The following MACROD2 variants were observed in gnomAD, a reference collection of about 807,000 sequenced individuals.
The protein encoded by MACROD2 is ADP-ribose glycohydrolase MACROD2.
In MACROD2, 36 loss-of-function variants were observed where a neutral mutation model predicts 70.4. The observed-to-expected ratio is 0.51, with a 90% CI of 0.39 to 0.68. The LOEUF (loss-of-function observed/expected upper bound fraction) is 0.68. Ranked by LOEUF, MACROD2 falls within the 30% of genes least tolerant of loss-of-function variation. MACROD2 has a pLI of 0.00. For missense variants in MACROD2, 496 were observed against 538.4 expected (o/e 0.92, Z 0.78); for synonymous variants, 172 against 178.8 (o/e 0.96, Z 0.30).
chr20:14,721,543 A>G (rs2071470087), intron 5 of MACROD2, among the ~76,000 whole-genome samples: 1 of 152,180 alleles, frequency 6.6e-6, no homozygotes, highest in African/African-American at 2.4e-5. Flanking sequence ...TGGCTTACAC[A>G]TGAGAAATAA....
intron 6 of MACROD2, among the ~76,000 whole-genome samples, chr20:15,363,830 G>A (rs2078380353): frequency 6.6e-6 from 1 of 152,160 alleles, no homozygotes; most frequent in Non-Finnish European, 1.5e-5. Context: ...TTTATATTTT[G>A]CAAACGGCTT....
intron 3 of MACROD2, among the ~76,000 whole-genome samples, chr20:14,416,249 A>G (rs944297772): frequency 2.0e-5 from 3 of 151,806 alleles, no homozygotes; most frequent in East Asian, 1.9e-4. Flanking sequence ...GAGCCACCGC[A>G]CCCATCCTCT....
intron 13 of MACROD2, among the ~76,000 whole-genome samples, chr20:15,969,491 A>G (rs559792235): frequency 6.6e-5 from 10 of 152,348 alleles, no homozygotes; most frequent in African/African-American, 2.4e-4. Flanking sequence ...CTAGAAGTTC[A>G]AAACCAATTT....
chr20:15,230,013 C>T lies in MACROD2; in HGVS notation c.492C>T (p.Cys164=). Residue 164 remains cysteine (C), a synonymous_variant, in exon 6 of 18, where the codon TGC becomes TGT. Coordinates refer to ENST00000684519, the MANE Select transcript of MACROD2 (RefSeq NM_001351661.2). ...NGSHKEDLAN[C]YKSSLKLVKE... ...CCCACAAGGAAGACCTTGCAAATTG[C>T]TATAAATCATCTCTGAAGCTCGTGA... is the stretch of plus-strand genomic sequence containing the variant. 1 of 1,613,690 alleles carries T rather than the reference C, an allele frequency of 6.2e-7. No homozygotes were observed. The highest frequency in any genetic ancestry group is 1.1e-5 in the South Asian group (1 of 91,044).
At chr20:14,969,361 T>TACACACACAC (rs3045701) in intron 5 of MACROD2, among the ~76,000 whole-genome samples, 1,468 of 138,010 alleles carry the variant, frequency 0.011, 8 homozygotes, top group Middle Eastern at 0.034. Flanking sequence ...TAAATGCTTT[T>TACACACACAC]ACACACACAC....
Position 14,085,626 on chromosome 20 carries a change from A to C in MACROD2, c.169A>C (p.Asn57His). 6.5e-7 allele frequency: 1 copy of C among 1,544,038 alleles called. No individual in the cohort carries two copies. Among genetic ancestry groups the C allele is most frequent in the Non-Finnish European group, 8.7e-7 (1 of 1,143,444 alleles). Residue 57 changes from asparagine (N) to histidine (H), a missense_variant, in exon 3 of 18, where the codon AAT becomes CAT. Asn to His is a moderately conservative substitution (Grantham distance 68). Coordinates refer to ENST00000684519, the MANE Select transcript of MACROD2 (RefSeq NM_001351661.2). ...ATATCCATTTTCTATTACAGAAGAA[A>C]ATACTCAGGAAACATCCCAGGTGAA... ...MKGKGQNDEE[N>H]TQETSQVKKS...
chr20:15,995,580 G>A (rs1428335263), intron 15 of MACROD2, among the ~76,000 whole-genome samples: 1 of 147,562 alleles, frequency 6.8e-6, no homozygotes, highest in African/African-American at 2.5e-5. Context: ...TCGATCTCCT[G>A]ACCTCATGAT....
At chr20:14,797,057 A>G (rs953318231) in intron 5 of MACROD2, among the ~76,000 whole-genome samples, 12 of 151,826 alleles carry the variant, frequency 7.9e-5, no homozygotes, top group Admixed American at 5.9e-4. Context: ...AAAAATCTCG[A>G]TTTTATACTC....
rs1269506990 is a variant in MACROD2 at position 14,520,508 on chromosome 20, T to C, written c.301+27000T>C. ...TTTGTTATTATTTTTTTTTTTTCTG[T>C]TTCTACAGCTTCTTTTCTGGCCTAG... is the stretch of plus-strand genomic sequence containing the variant. On this transcript the variant is annotated intron_variant, in intron 4 of 17. Transcript: ENST00000684519. Among the ~76,000 whole-genome samples, 4 of 151,666 alleles carry C rather than the reference T, an allele frequency of 2.6e-5. No individual in the cohort carries two copies. In the East Asian group the frequency reaches 5.8e-4, roughly 22 times the overall value.
intron 3 of MACROD2, among the ~76,000 whole-genome samples, chr20:14,220,580 T>G (rs2081663469): frequency 6.6e-6 from 1 of 152,178 alleles, no homozygotes; most frequent in Admixed American, 6.5e-5. Context: ...GTTACAAAGT[T>G]CAGCTAGAGA....
At chr20:15,303,634 ATCT>A (rs970940884) in intron 6 of MACROD2, among the ~76,000 whole-genome samples, 1 of 152,186 alleles carries the variant, frequency 6.6e-6, no homozygotes, top group African/African-American at 2.4e-5. Flanking sequence ...TCCAGGGAAA[ATCT>A]TCTAAAACAA....
intron 5 of MACROD2, among the ~76,000 whole-genome samples, chr20:14,737,572 A>C (rs2071682879): frequency 6.6e-6 from 1 of 152,176 alleles, no homozygotes; most frequent in Non-Finnish European, 1.5e-5. Flanking sequence ...TCCCACCAAC[A>C]GTGTAAAAGC....
intron 2 of MACROD2, among the ~76,000 whole-genome samples, chr20:14,077,894 C>CTTTTTTTTTT (rs58677755): frequency 5.0e-5 from 6 of 120,502 alleles, no homozygotes; most frequent in African/African-American, 9.2e-5. Flanking sequence ...AAAGGTTTTT[C>CTTTTTTTTTT]TTTTTTTTTT....
At chr20:14,048,457 A>G (rs1267193071) in intron 2 of MACROD2, among the ~76,000 whole-genome samples, 2 of 152,086 alleles carry the variant, frequency 1.3e-5, no homozygotes. Context: ...ATGAGTTTCA[A>G]GCTTTAAGAC....
chr20:15,214,237 G>C (rs2076789399), intron 5 of MACROD2, among the ~76,000 whole-genome samples: 1 of 152,092 alleles, frequency 6.6e-6, no homozygotes, highest in African/African-American at 2.4e-5. Context: ...GACCCATTTA[G>C]AGGAATGCCA....
At chr20:15,274,939 A>G (rs188750903) in intron 6 of MACROD2, among the ~76,000 whole-genome samples, 89 of 152,190 alleles carry the variant, frequency 5.8e-4, no homozygotes, top group Admixed American at 2.2e-3. Flanking sequence ...AAGTGGGCCT[A>G]TAGGAGTGGG....
chr20:14,310,656 C>T (rs971834928), intron 3 of MACROD2, among the ~76,000 whole-genome samples: 5 of 151,922 alleles, frequency 3.3e-5, no homozygotes, highest in Admixed American at 6.6e-5. Context: ...TGTAAAACAG[C>T]CTCAGGCAGG....
chr20:14,311,512 T>C (rs2082566689), intron 3 of MACROD2, among the ~76,000 whole-genome samples: 1 of 152,130 alleles, frequency 6.6e-6, no homozygotes, highest in South Asian at 2.1e-4. Flanking sequence ...CATAACTGTA[T>C]GCATATCTTT....
intron 8 of MACROD2, among the ~76,000 whole-genome samples, chr20:15,705,812 A>G (rs183958245): frequency 1.3e-5 from 2 of 152,296 alleles, no homozygotes; most frequent in African/African-American, 2.4e-5. Context: ...AGCTGCTTCA[A>G]TTTATAAATA....
Sources: allele counts gnomAD v4.1 joint callset (sites outside exome capture counted in the v4.1 genomes callset), GRCh38; gene constraint gnomAD v4.1.1; transcripts MANE v1.5; gene names NCBI Gene and HGNC (gene_info 2026-07-23, HGNC 2026-07-21).